NEMP2: variants seen among roughly 807,000 people sequenced by gnomAD.
The protein encoded by NEMP2 is UPF0571 transmembrane protein.
A neutral mutation model predicts 54.2 loss-of-function variants in NEMP2; 53 were observed. The observed-to-expected ratio is 0.98, with a 90% CI of 0.78 to 1.23. NEMP2 has a LOEUF of 1.23. Ranked by LOEUF, NEMP2 falls within the 50% of genes most tolerant of loss-of-function variation. The probability of loss-of-function intolerance (pLI) is 0.00; values close to 1 mark genes in which losing one functional copy is unlikely to be tolerated. For synonymous variants in NEMP2, 197 were observed against 190.3 expected (o/e 1.04, Z -0.29); for missense variants, 455 against 511.3 (o/e 0.89, Z 1.06).
At chr2:190,555,854 A>G in the NEMP2 span, among the ~76,000 whole-genome samples, 1,721 of 152,286 alleles carry the variant, frequency 0.011, 38 homozygotes, top group African/African-American at 0.038. The surrounding 1 kb of genome is among the most constrained non-coding windows in gnomAD (Gnocchi z 4.8). Flanking sequence ...CAACCAAAAA[A>G]AGTCCAGGAC....
Position 190,514,470 on chromosome 2 carries a change from T to C in NEMP2, c.936A>G (p.Ala312=), listed in dbSNP as rs749472422. 3 of 1,551,232 alleles carry C rather than the reference T, an allele frequency of 1.9e-6. No individual in the cohort carries two copies. The highest frequency in any genetic ancestry group is 4.9e-5 in the East Asian group (2 of 40,940). Reference sequence around the variant, plus strand: ...ATACATACCACCTCATATAACTGCATGCTCTCAGTGGGTAGTGCAGACTCC... The same window carrying C: ...ATACATACCACCTCATATAACTGCACGCTCTCAGTGGGTAGTGCAGACTCC... ...SSWSLHYPLR[A]CSYMRWKMEQ... Residue 312 remains alanine (A), a synonymous_variant, in exon 7 of 9, where the codon GCA becomes GCG. Transcript: ENST00000409150. The surrounding 1 kb of genome is among the most constrained non-coding windows in gnomAD (Gnocchi z 5.7).
chr2:190,464,774 C>T, the NEMP2 span: 2 of 260,970 alleles, frequency 7.7e-6, no homozygotes, highest in Admixed American at 6.5e-5. Flanking sequence ...CCCAACTAGG[C>T]TGTAAGTCCC....
chr2:190,615,857 C>T, the NEMP2 span, among the ~76,000 whole-genome samples: 1 of 152,170 alleles, frequency 6.6e-6, no homozygotes, highest in South Asian at 2.1e-4. This position sits in a 1 kb window ranked among gnomAD's most constrained non-coding sequence, Gnocchi z 4.7. Context: ...TATTATGGCA[C>T]ATCTCCTCTT....
At chr2:190,589,251 G>C in the NEMP2 span, among the ~76,000 whole-genome samples, 25 of 152,120 alleles carry the variant, frequency 1.6e-4, no homozygotes, top group Non-Finnish European at 3.2e-4. The surrounding 1 kb of genome is among the most constrained non-coding windows in gnomAD (Gnocchi z 4.3). Context: ...CCCTGATGCA[G>C]CTACCAGGAA....
chr2:190,503,914 G>A (rs1030998274), downstream of NEMP2, among the ~76,000 whole-genome samples: 3 of 152,126 alleles, frequency 2.0e-5, no homozygotes, highest in African/African-American at 7.2e-5. The surrounding 1 kb of genome is among the most constrained non-coding windows in gnomAD (Gnocchi z 6.3). Flanking sequence ...TGTCTAACAT[G>A]GGGGGAAAGT....
chr2:190,518,386 AG>A (rs1172974636), intron 4 of NEMP2, among the ~76,000 whole-genome samples: 1 of 152,224 alleles, frequency 6.6e-6, no homozygotes, highest in Non-Finnish European at 1.5e-5. Flanking sequence ...CCAGAAAACC[AG>A]GGAACAAATC....
At chr2:190,584,916 AAAGAAAG>A in the NEMP2 span, among the ~76,000 whole-genome samples, 1 of 106,660 alleles carries the variant, frequency 9.4e-6, no homozygotes, top group Non-Finnish European at 2.2e-5. The surrounding 1 kb of genome is among the most constrained non-coding windows in gnomAD (Gnocchi z 4.2). Context: ...AGAAAGAAAG[AAAGAAAG>A]AAAGAAAGAA....
Position 190,512,896 on chromosome 2 carries a change from C to T in NEMP2, c.953+1557G>A, listed in dbSNP as rs1690417185. ...TGTCCTGTCAATGGTGCAATTTTAA[C>T]CCTGTGATATTGCCACACACACACA... On this transcript the variant is annotated intron_variant, in intron 7 of 8. Coordinates refer to ENST00000409150, the MANE Select transcript of NEMP2 (RefSeq NM_001142645.2). This position sits in a 1 kb window ranked among gnomAD's most constrained non-coding sequence, Gnocchi z 4.5. 6.6e-6 allele frequency among the ~76,000 whole-genome samples: 1 copy of T among 152,204 alleles called. No homozygotes were observed.
At chr2:190,427,561 T>C in the NEMP2 span, among the ~76,000 whole-genome samples, 31 of 152,232 alleles carry the variant, frequency 2.0e-4, no homozygotes, top group African/African-American at 7.2e-4. Flanking sequence ...ATACTTGTGT[T>C]GTTCCTTGGG....
chr2:190,487,109 G>T, the NEMP2 span, among the ~76,000 whole-genome samples: 1 of 152,168 alleles, frequency 6.6e-6, no homozygotes, highest in Non-Finnish European at 1.5e-5. This position sits in a 1 kb window ranked among gnomAD's most constrained non-coding sequence, Gnocchi z 5.5. Context: ...TTGAGAGGCT[G>T]AGGCAGGTGG....
the NEMP2 span, among the ~76,000 whole-genome samples, chr2:190,426,856 T>C: frequency 1.3e-5 from 2 of 152,248 alleles, no homozygotes; most frequent in Non-Finnish European, 2.9e-5. The surrounding 1 kb of genome is among the most constrained non-coding windows in gnomAD (Gnocchi z 4.7). Flanking sequence ...CCTTCTGCTT[T>C]AGCTGACTTT....
chr2:190,605,606 A>G, the NEMP2 span, among the ~76,000 whole-genome samples: 1 of 152,108 alleles, frequency 6.6e-6, no homozygotes, highest in Admixed American at 6.5e-5. Flanking sequence ...TGAACTCCTG[A>G]CCTCAGGCGA....
the NEMP2 span, among the ~76,000 whole-genome samples, chr2:190,459,135 T>C: frequency 2.6e-5 from 4 of 152,194 alleles, no homozygotes; most frequent in South Asian, 2.1e-4. This position sits in a 1 kb window ranked among gnomAD's most constrained non-coding sequence, Gnocchi z 5.3. Context: ...GACTCCTTTT[T>C]TCCTCCCTCC....
chr2:190,581,289 A>C, the NEMP2 span, among the ~76,000 whole-genome samples: 2 of 152,236 alleles, frequency 1.3e-5, no homozygotes, highest in Non-Finnish European at 2.9e-5. Context: ...TTAAAAGCTG[A>C]CCAGAAACTA....
the NEMP2 span, among the ~76,000 whole-genome samples, chr2:190,486,520 T>A: frequency 6.6e-6 from 1 of 152,364 alleles, no homozygotes; most frequent in Non-Finnish European, 1.5e-5. Context: ...TTTCAGACTC[T>A]CATCAGTCAG....
the NEMP2 span, among the ~76,000 whole-genome samples, chr2:190,578,341 T>C: frequency 6.6e-6 from 1 of 151,788 alleles, no homozygotes; most frequent in Non-Finnish European, 1.5e-5. The surrounding 1 kb of genome is among the most constrained non-coding windows in gnomAD (Gnocchi z 4.4). Flanking sequence ...CTTCCTTCCA[T>C]CCTCCCTCTT....
the NEMP2 span, among the ~76,000 whole-genome samples, chr2:190,639,352 T>C: frequency 1.3e-5 from 2 of 151,020 alleles, no homozygotes; most frequent in Non-Finnish European, 2.9e-5. Context: ...GCTTGACACA[T>C]ACTTTTTAGC....
chr2:190,570,203 C>T, the NEMP2 span, among the ~76,000 whole-genome samples: 1 of 152,166 alleles, frequency 6.6e-6, no homozygotes, highest in Non-Finnish European at 1.5e-5. The surrounding 1 kb of genome is among the most constrained non-coding windows in gnomAD (Gnocchi z 5.4). Flanking sequence ...GTCTGATAGT[C>T]ATTTAGGTAA....
the NEMP2 span, among the ~76,000 whole-genome samples, chr2:190,571,943 C>T: frequency 3.5e-4 from 54 of 152,260 alleles, no homozygotes; most frequent in African/African-American, 1.3e-3. Flanking sequence ...CTCCCCTCCC[C>T]ATCCCCTGCA....
Sources: allele counts gnomAD v4.1 joint callset (sites outside exome capture counted in the v4.1 genomes callset), GRCh38; gene constraint gnomAD v4.1.1; non-coding constraint Gnocchi (gnomAD v3.1); transcripts MANE v1.5; gene names NCBI Gene and HGNC (gene_info 2026-07-23, HGNC 2026-07-21).